Variants in MYO3A observed in about 807,000 individuals in gnomAD.
MYO3A encodes myosin IIIA, also known as myosin-IIIa.
MYO3A carries 180 observed loss-of-function variants against 192.7 expected under a neutral mutation model. That is an observed-to-expected ratio of 0.93 (90% confidence interval 0.83 to 1.06). The LOEUF (loss-of-function observed/expected upper bound fraction) is 1.06, where lower values mean the gene tolerates loss of function less well. MYO3A is among the 50% of genes least tolerant of loss of function. MYO3A has a pLI of 0.00. For missense variants in MYO3A, 1,896 were observed against 1,905.0 expected (o/e 1.00, Z 0.09); for synonymous variants, 628 against 645.3 (o/e 0.97, Z 0.41).
chr10:25,937,664 A>G lies in MYO3A; in HGVS notation c.-18+1834A>G, dbSNP rs1294226876. 1.3e-5 allele frequency among the ~76,000 whole-genome samples: 2 copies of G among 152,162 alleles called. 1 individual carries two copies. On this transcript the variant is annotated intron_variant, in intron 2 of 34. Transcript: ENST00000642920. ...ATGGAGATTTTTTTTAAAGGAAATT[A>G]TAGTCTTTCTTTTGGTTCTAGCATT... is the stretch of plus-strand genomic sequence containing the variant.
intron 14 of MYO3A, among the ~76,000 whole-genome samples, chr10:26,087,594 A>G (rs1836415032): frequency 6.6e-6 from 1 of 152,222 alleles, no homozygotes; most frequent in Non-Finnish European, 1.5e-5. Context: ...TAGAATTTCA[A>G]CTGAAGTGGT....
chr10:25,995,938 A>T (rs112830919), intron 4 of MYO3A, among the ~76,000 whole-genome samples: 14,555 of 152,254 alleles, frequency 0.096, 1,235 homozygotes, highest in African/African-American at 0.22. Flanking sequence ...CCAGAAAGGC[A>T]ACTCGGGGGT....
At chr10:25,988,617 C>T (rs1839804513) in intron 4 of MYO3A, among the ~76,000 whole-genome samples, 2 of 152,088 alleles carry the variant, frequency 1.3e-5, no homozygotes, top group Admixed American at 6.5e-5. Context: ...CTTATATTCA[C>T]ATCAAAATCT....
At chr10:26,023,973 C>T (rs752645578) in intron 8 of MYO3A, 49 bp from the exon 9 acceptor site, 6 of 1,532,466 alleles carry the variant, frequency 3.9e-6, no homozygotes, top group South Asian at 1.1e-5. Flanking sequence ...TCTCATTTTA[C>T]ACTGACTGAC....
At chr10:25,998,519 A>C (rs971974603) in intron 6 of MYO3A, among the ~76,000 whole-genome samples, 6 of 152,224 alleles carry the variant, frequency 3.9e-5, no homozygotes, top group African/African-American at 1.2e-4. Context: ...AGCCTTGAGC[A>C]ATCTGTCTGG....
chr10:25,987,719 T>C (rs1449873634), intron 4 of MYO3A, among the ~76,000 whole-genome samples: 4 of 152,146 alleles, frequency 2.6e-5, no homozygotes, highest in Non-Finnish European at 5.9e-5. Flanking sequence ...GATGTTCGCA[T>C]GGAAGCATTG....
chr10:26,208,456 C>T (rs1307321683), intron 34 of MYO3A, among the ~76,000 whole-genome samples: 1 of 152,164 alleles, frequency 6.6e-6, no homozygotes, highest in Non-Finnish European at 1.5e-5. Context: ...GCCATGGCAA[C>T]TAGGATCAGT....
chr10:26,093,490 C>T (rs1836826957), intron 15 of MYO3A, among the ~76,000 whole-genome samples: 1 of 152,142 alleles, frequency 6.6e-6, no homozygotes. Context: ...AGGATGGGTT[C>T]TGAAGGAAAG....
At chr10:26,096,345 TACTA>T (rs1433475891) in intron 15 of MYO3A, 32 bp from the exon 16 acceptor site, 3 of 1,428,620 alleles carry the variant, frequency 2.1e-6, no homozygotes, top group Non-Finnish European at 2.9e-6. Context: ...GAAATGTTCT[TACTA>T]ACTACCTTAC....
At position 26,082,987 on chromosome 10, in the gene MYO3A, T is replaced by C. The variant is rs141290145; in HGVS notation, c.1360-5216T>C. The stretch of plus-strand genomic sequence containing the variant: ...GGAATATGATATGTGACAGTAAAAC[T>C]AGCACAAGTTTCTTTTTCCTTCTTC... On this transcript the variant is annotated intron_variant, in intron 14 of 34. Transcript: ENST00000642920. 2.5e-3 allele frequency among the ~76,000 whole-genome samples: 377 copies of C among 152,342 alleles called. 2 individuals carry two copies. The highest frequency in any genetic ancestry group is 8.6e-3 in the African/African-American group (356 of 41,586).
In MYO3A at chr10:26,039,674, G is replaced by T. The variant is rs1344380581; in HGVS notation, c.953+13142G>T. Among the ~76,000 whole-genome samples the T allele has an allele frequency of 2.6e-5, 4 of 151,972 alleles. No individual in the cohort carries two copies. In the East Asian group the frequency reaches 7.7e-4, roughly 29 times the overall value. The stretch of plus-strand genomic sequence containing the variant: ...TTTTTCAATTTATTGATGTATATTT[G>T]CTCATATTAGCTACCAAAGATCCTT... On this transcript the variant is annotated intron_variant, in intron 10 of 34. Coordinates refer to ENST00000642920, the MANE Select transcript of MYO3A (RefSeq NM_017433.5).
Position 26,170,529 on chromosome 10 carries a change from G to T in MYO3A, c.3388G>T (p.Glu1130Ter). ...DQEFDYKKNFENTRESFVKKQ... is the reference protein window; with the variant it reads ...DQEFDYKKNF ...GGAATTCGACTACAAGAAAAACTTT[G>T]AAAATACAAGGTATAATGATGTTCA... Residue 1130 changes from glutamate to a stop codon, truncating the protein, a stop_gained, in exon 29 of 35, where the codon GAA becomes TAA. Transcript: ENST00000642920. LOFTEE classifies it high-confidence loss of function. 6.2e-7 allele frequency: 1 copy of T among 1,610,876 alleles called. No individual in the cohort carries two copies. Among genetic ancestry groups the T allele is most frequent in the South Asian group, 1.1e-5 (1 of 90,828 alleles).
intron 15 of MYO3A, among the ~76,000 whole-genome samples, chr10:26,090,906 T>C (rs1328172727): frequency 6.6e-6 from 1 of 152,216 alleles, no homozygotes; most frequent in East Asian, 1.9e-4. Context: ...GGGGCAGCAC[T>C]AGTGCCTGGT....
At chr10:26,135,045 A>G (rs1013724132) in intron 20 of MYO3A, among the ~76,000 whole-genome samples, 2 of 152,194 alleles carry the variant, frequency 1.3e-5, no homozygotes, top group African/African-American at 4.8e-5. Context: ...GAAATATTAG[A>G]AGAAACCTAA....
chr10:25,985,559 T>A (rs911862429), intron 4 of MYO3A, among the ~76,000 whole-genome samples: 7 of 152,300 alleles, frequency 4.6e-5, no homozygotes, highest in South Asian at 2.1e-4. Flanking sequence ...AAGGATACTA[T>A]GAACACCTTT....
intron 26 of MYO3A, among the ~76,000 whole-genome samples, chr10:26,163,743 T>C (rs967485708): frequency 3.3e-5 from 5 of 152,178 alleles, no homozygotes; most frequent in African/African-American, 1.2e-4. Flanking sequence ...TTAGAGTTGA[T>C]ATCAACAGTT....
intron 22 of MYO3A, among the ~76,000 whole-genome samples, chr10:26,146,930 T>C (rs1416004797): frequency 1.3e-5 from 2 of 152,138 alleles, no homozygotes; most frequent in African/African-American, 2.4e-5. Context: ...CTGGGTAACA[T>C]AGCAAGACCT....
chr10:26,159,504 C>T (rs995657395), intron 26 of MYO3A, among the ~76,000 whole-genome samples: 5 of 148,700 alleles, frequency 3.4e-5, no homozygotes, highest in East Asian at 4.1e-4. Context: ...CTCAGCCTCC[C>T]GAGTAGCTGG....
intron 31 of MYO3A, 76 bp downstream of exon 31, chr10:26,176,921 T>C: frequency 5.2e-6 from 8 of 1,524,304 alleles, no homozygotes; most frequent in Non-Finnish European, 6.4e-6. Context: ...TTCCCACCAT[T>C]ATTCTATGGC....
Sources: gnomAD v4.1 joint callset for allele counts (sites outside exome capture counted in the v4.1 genomes callset) on GRCh38, gnomAD v4.1.1 for gene constraint, MANE v1.5 for transcripts, NCBI Gene and HGNC (gene_info 2026-07-23, HGNC 2026-07-21) for gene names.